The following RPL4 variants were observed in gnomAD, a reference collection of about 807,000 sequenced individuals.
The protein encoded by RPL4 is ribosomal protein L4.
In RPL4, 3 loss-of-function variants were observed where a neutral mutation model predicts 47.7. The observed-to-expected ratio is 0.06, with a 90% CI of 0.03 to 0.16. The LOEUF is 0.16. RPL4 is among the 10% of genes least tolerant of loss of function. RPL4 has a pLI of 1.00. For synonymous variants in RPL4, 208 were observed against 182.1 expected, an observed-to-expected ratio of 1.14 and a Z score of -1.15; for missense variants, 413 against 551.3, an observed-to-expected ratio of 0.75 and a Z score of 2.51.
intron 4 of RPL4, 65 bp downstream of exon 4, chr15:66,502,547 C>T: frequency 6.5e-7 from 1 of 1,542,086 alleles, no homozygotes; most frequent in East Asian, 2.3e-5. Context: ...AAAAATCACC[C>T]TAATGATCAA....
rs1036937255 is a variant in RPL4 at position 66,499,356 on chromosome 15, A to C, written c.*51T>G. ...CTGTATAATCAGGTCTTTATTCAAA[A>C]GAAGCTGTCCAAAATGATTTGACCT... On this transcript the variant is annotated 3_prime_UTR_variant, in exon 10 of 10. Coordinates refer to ENST00000307961, the MANE Select transcript of RPL4 (RefSeq NM_000968.4). 1.0e-5 allele frequency: 16 copies of C among 1,561,058 alleles called. No individual in the cohort carries two copies. The African/African-American group carries it at 2.1e-4, about 20-fold the overall frequency.
chr15:66,500,530 AC>A (rs1893589049), intron 7 of RPL4, 154 bp from the exon 8 acceptor site: 1 of 694,196 alleles, frequency 1.4e-6, no homozygotes, highest in Admixed American at 2.8e-5. Context: ...GTGGTGGCTC[AC>A]CCCTATAATC....
chr15:66,501,164 T>A, intron 6 of RPL4, 59 bp from the exon 7 acceptor site: 1 of 1,597,978 alleles, frequency 6.3e-7, no homozygotes, highest in African/African-American at 1.3e-5. Context: ...ACACAAATCA[T>A]CTTTATGGCT....
chr15:66,501,969 A>C (rs1481388944), intron 4 of RPL4, 57 bp from the exon 5 acceptor site: 1 of 1,580,270 alleles, frequency 6.3e-7, no homozygotes, highest in African/African-American at 1.4e-5. Flanking sequence ...AGAAAAAAAA[A>C]AAATCAAACA....
Position 66,498,910 on chromosome 15 carries a change from T to C in RPL4, c.*497A>G, listed in dbSNP as rs1280543177. The stretch of plus-strand genomic sequence containing the variant: ...GGCCTTCTGGCACTTTTTCAAACCA[T>C]GGGTGAAAATACTCAACTCTATTGT... On this transcript the variant is annotated 3_prime_UTR_variant, in exon 10 of 10. Transcript: ENST00000307961. 1 of 155,462 alleles carries C rather than the reference T, an allele frequency of 6.4e-6. No individual in the cohort carries two copies. The highest frequency in any genetic ancestry group is 2.4e-5 in the African/African-American group (1 of 41,444). The allele number at this position is 155,462 out of a possible 1,614,324, so 9.6% of individuals were successfully genotyped here.
At chr15:66,504,316 A>G (rs1447433025) in intron 1 of RPL4, among the ~76,000 whole-genome samples, 2 of 152,246 alleles carry the variant, frequency 1.3e-5, no homozygotes, top group Non-Finnish European at 1.5e-5. Context: ...CCCCCGGCAC[A>G]CAACACTACA....
intron 7 of RPL4, 76 bp downstream of exon 7, chr15:66,500,873 G>A: frequency 6.6e-7 from 1 of 1,520,202 alleles, no homozygotes; most frequent in Non-Finnish European, 8.9e-7. Flanking sequence ...AATAAATTTA[G>A]AAAACATGTA....
rs374023402 is a variant in RPL4, at chr15:66,498,399, CAGAG to C, written c.*1004_*1007del. 1 of 152,142 alleles carries C rather than the reference CAGAG, an allele frequency of 6.6e-6. No individual in the cohort carries two copies. The highest frequency in any genetic ancestry group is 2.4e-5 in the African/African-American group (1 of 41,408). The allele number at this position is 152,142 out of a possible 1,614,324, so 9.4% of individuals were successfully genotyped here. ...GACTGTCTTGACAGTTCGAGACTGT[CAGAG>C]AGAAGCTGACAGTTTAACAATCCAG... On this transcript the variant is annotated 3_prime_UTR_variant, in exon 10 of 10. Transcript: ENST00000307961.
intron 2 of RPL4, 92 bp downstream of exon 2, chr15:66,503,266 C>T: frequency 6.3e-7 from 1 of 1,589,844 alleles, no homozygotes; most frequent in East Asian, 2.2e-5. Flanking sequence ...CCGAGAAAAT[C>T]ATGTGGTTCA....
At chr15:66,502,807 T>C (rs768939149) in intron 3 of RPL4, 57 bp from the exon 4 acceptor site, 2 of 1,612,814 alleles carry the variant, frequency 1.2e-6, no homozygotes, top group South Asian at 1.1e-5. Flanking sequence ...AACAAGGTTA[T>C]TTCTTGCTCA....
Position 66,503,108 on chromosome 15 carries a change from T to G in RPL4, c.232A>C (p.Arg78=). Residue 78 remains arginine (R), a synonymous_variant, in exon 3 of 10, where the codon AGA becomes CGA. Coordinates refer to ENST00000307961, the MANE Select transcript of RPL4 (RefSeq NM_000968.4). ...CGGTGAGTCCCACCACCTCGAACTC[T>G]GGGAATTCGAGCCACAGCTCTGCCA... ...GTGRAVARIP[R]VRGGGTHRSG... is the part of the protein sequence containing the mutation. The G allele has an allele frequency of 6.2e-7, 1 of 1,614,096 alleles. No individual in the cohort carries two copies. Among genetic ancestry groups the G allele is most frequent in the East Asian group, 2.2e-5 (1 of 44,872 alleles).
chr15:66,500,992 A>C lies in RPL4; in HGVS notation c.790T>G (p.Tyr264Asp). 6.2e-7 allele frequency: 1 copy of C among 1,614,062 alleles called. No homozygotes were observed. Among genetic ancestry groups the C allele is most frequent in the Non-Finnish European group, 8.5e-7 (1 of 1,179,896 alleles). The change falls in exon 7 of 10, where the codon TAC becomes GAC. Residue 264 changes from tyrosine to aspartate, a missense_variant. Tyr to Asp is a radical substitution (Grantham distance 160). This residue lies in a region of RPL4 where 214 missense variants were observed against 304.2 expected (regional missense o/e 0.70). Transcript: ENST00000307961. ...GAAGCGGCTTTACGCCAAGTGCCGT[A>C]CAATTCATCTAACTTCCGGAAAGCA... ...ESAFRKLDEL[Y>D]GTWRKAASLK...
intron 9 of RPL4, 95 bp from the exon 10 acceptor site, chr15:66,499,747 G>C: frequency 1.3e-6 from 2 of 1,542,364 alleles, no homozygotes; most frequent in Non-Finnish European, 1.8e-6. Flanking sequence ...AAACCAGCCG[G>C]GCACGGTGGC....
chr15:66,503,508 A>G lies in RPL4; in HGVS notation c.25T>C (p.Ser9Pro), dbSNP rs773349465. MACARPLI[S>P]VYSEKGESSG... ...GACTCCCCCTTTTCGGAGTACACCG[A>G]TATCAGTGGGCGAGCACACGCCTAA... The change falls in exon 2 of 10, where the codon TCG becomes CCG. Residue 9 changes from serine (S) to proline (P), a missense_variant. Physicochemically the swap from Ser to Pro is moderately conservative, Grantham distance 74 (BLOSUM62 -1). Around this residue, in one of 4 missense-constraint regions of RPL4, gnomAD observed 56 missense variants for 70.6 expected, o/e 0.79. Coordinates refer to ENST00000307961, the MANE Select transcript of RPL4 (RefSeq NM_000968.4). 7.0e-5 allele frequency: 113 copies of G among 1,605,724 alleles called. No homozygotes were observed. Among genetic ancestry groups the G allele is most frequent in the Admixed American group, 6.7e-5 (4 of 59,710 alleles).
chr15:66,501,585 G>A (rs1893616327), intron 5 of RPL4, 81 bp from the exon 6 acceptor site: 1 of 1,578,304 alleles, frequency 6.3e-7, no homozygotes, highest in Non-Finnish European at 8.6e-7. Context: ...CCTTTTTACA[G>A]ATGATTAAAC....
intron 2 of RPL4, 24 bp downstream of exon 2, chr15:66,503,334 T>A (rs748780019): frequency 1.2e-5 from 19 of 1,611,684 alleles, no homozygotes; most frequent in Non-Finnish European, 1.6e-5. Flanking sequence ...CCCTAAAATA[T>A]CTGCAGAAGA....
intron 7 of RPL4, 28 bp downstream of exon 7, chr15:66,500,919 ATC>A: frequency 6.2e-7 from 1 of 1,602,644 alleles, no homozygotes; most frequent in Non-Finnish European, 8.5e-7. Context: ...CAATATAAAC[ATC>A]TGTGCTTAGT....
intron 5 of RPL4, 34 bp downstream of exon 5, chr15:66,501,754 A>C (rs762530002): frequency 1.0e-5 from 16 of 1,602,728 alleles, no homozygotes; most frequent in Non-Finnish European, 1.4e-5. Flanking sequence ...GTGAACAAGG[A>C]GTACCAAACT....
intron 4 of RPL4, 129 bp downstream of exon 4, chr15:66,502,483 T>TA: frequency 9.8e-7 from 1 of 1,019,586 alleles, no homozygotes; most frequent in Non-Finnish European, 1.4e-6. Flanking sequence ...TATTTTATGC[T>TA]AAAAACATTC....
Sources: gnomAD v4.1 joint callset for allele counts (sites outside exome capture counted in the v4.1 genomes callset) on GRCh38, gnomAD v4.1.1 for gene constraint, gnomAD v4.1.1 regional missense constraint, MANE v1.5 for transcripts, NCBI Gene and HGNC (gene_info 2026-07-23, HGNC 2026-07-21) for gene names.